Variants in SLIT3 observed in about 807,000 individuals in gnomAD.
SLIT3 encodes the protein slit homolog 3 protein.
Under a neutral mutation model 184.0 loss-of-function variants are expected in SLIT3, and 68 were observed. The observed-to-expected ratio is 0.37, with a 90% confidence interval of 0.30 to 0.45. SLIT3 has a LOEUF of 0.45. SLIT3 is among the 20% of genes least tolerant of loss of function. The pLI is 1.00. For missense variants in SLIT3, 1,707 were observed against 2,026.0 expected, an observed-to-expected ratio of 0.84 and a Z score of 3.02; for synonymous variants, 831 against 828.6, an observed-to-expected ratio of 1.00 and a Z score of -0.05.
At chr5:169,220,408 AG>A (rs1458449454) in intron 3 of SLIT3, among the ~76,000 whole-genome samples, 1 of 152,120 alleles carries the variant, frequency 6.6e-6, no homozygotes. Flanking sequence ...AATCTACAGT[AG>A]GCCTTGGGGA....
At chr5:168,782,206 T>C (rs1341218978) in intron 12 of SLIT3, among the ~76,000 whole-genome samples, 4 of 151,920 alleles carry the variant, frequency 2.6e-5, no homozygotes, top group Non-Finnish European at 5.9e-5. Flanking sequence ...GGTGCTAGAG[T>C]TGTCTTAACT....
At chr5:169,132,734 T>C (rs1191274468) in intron 4 of SLIT3, among the ~76,000 whole-genome samples, 1 of 152,186 alleles carries the variant, frequency 6.6e-6, no homozygotes, top group Non-Finnish European at 1.5e-5. Context: ...TAACCCCAAG[T>C]ATACAAGGAA....
intron 5 of SLIT3, among the ~76,000 whole-genome samples, chr5:168,865,300 G>A (rs1283260551): frequency 9.2e-5 from 14 of 151,752 alleles, no homozygotes. Context: ...GTTCATAGCA[G>A]CTTTATTCGT....
intron 20 of SLIT3, among the ~76,000 whole-genome samples, chr5:168,740,931 T>C (rs1005574289): frequency 2.6e-5 from 4 of 152,158 alleles, no homozygotes; most frequent in Admixed American, 1.3e-4. Context: ...AAGGAGAGTA[T>C]AACTGGGTCA....
chr5:169,029,413 T>A (rs995837152), intron 4 of SLIT3, among the ~76,000 whole-genome samples: 4 of 152,196 alleles, frequency 2.6e-5, no homozygotes, highest in Admixed American at 1.3e-4. Flanking sequence ...AAATTTTGGG[T>A]CCTCTCCTCG....
chr5:168,774,844 A>T (rs1755688549), intron 12 of SLIT3, among the ~76,000 whole-genome samples: 1 of 152,196 alleles, frequency 6.6e-6, no homozygotes, highest in Admixed American at 6.5e-5. Flanking sequence ...GATGAAAGTT[A>T]TATGTCATCC....
At chr5:168,903,321 G>A (rs988243185) in intron 4 of SLIT3, among the ~76,000 whole-genome samples, 1 of 152,190 alleles carries the variant, frequency 6.6e-6, no homozygotes, top group Non-Finnish European at 1.5e-5. Context: ...TCCTGGGGGT[G>A]CAAACCTGGT....
intron 4 of SLIT3, among the ~76,000 whole-genome samples, chr5:168,906,287 G>T (rs924388872): frequency 1.3e-4 from 20 of 152,326 alleles, no homozygotes; most frequent in Non-Finnish European, 2.2e-4. Context: ...CCTTGCCTTT[G>T]TGTTGCCCAT....
At chr5:168,761,232 G>A (rs1374555606) in intron 15 of SLIT3, among the ~76,000 whole-genome samples, 2 of 152,120 alleles carry the variant, frequency 1.3e-5, no homozygotes, top group African/African-American at 4.8e-5. Flanking sequence ...CCAAGGATCT[G>A]TTTTCATTTT....
intron 4 of SLIT3, among the ~76,000 whole-genome samples, chr5:168,914,701 T>C (rs1040127074): frequency 2.6e-5 from 4 of 152,218 alleles, no homozygotes; most frequent in African/African-American, 9.7e-5. Flanking sequence ...ACTGTGCTTC[T>C]CTTTTCTGTA....
At chr5:169,025,769 A>T (rs961134366) in intron 4 of SLIT3, among the ~76,000 whole-genome samples, 1 of 152,192 alleles carries the variant, frequency 6.6e-6, no homozygotes, top group Non-Finnish European at 1.5e-5. Context: ...CACCATGGTG[A>T]TAGTTCATCA....
intron 34 of SLIT3, 147 bp downstream of exon 34, chr5:168,671,051 C>A: frequency 3.4e-6 from 3 of 880,356 alleles, no homozygotes; most frequent in Non-Finnish European, 5.1e-6. Flanking sequence ...GCCTCTTGAC[C>A]TCTTAAGCAG....
intron 4 of SLIT3, among the ~76,000 whole-genome samples, chr5:169,002,345 A>AAAAAAAAAAAAAAAG (rs1561600096): frequency 1.4e-4 from 21 of 145,420 alleles, no homozygotes; most frequent in East Asian, 4.0e-4. Flanking sequence ...AAAAAAAAAA[A>AAAAAAAAAAAAAAAG]AAAAAAAAAA....
intron 4 of SLIT3, among the ~76,000 whole-genome samples, chr5:168,893,409 C>T (rs1760541997): frequency 6.6e-6 from 1 of 152,142 alleles, no homozygotes. Context: ...GCTTTCATCC[C>T]TAATTTGATT....
intron 3 of SLIT3, among the ~76,000 whole-genome samples, chr5:169,220,836 G>A (rs1024260825): frequency 9.9e-5 from 15 of 152,150 alleles, no homozygotes; most frequent in Non-Finnish European, 2.1e-4. Context: ...GCTTGGTGCA[G>A]GTGTCAGCCA....
intron 35 of SLIT3, 132 bp from the exon 36 acceptor site, chr5:168,666,821 C>A: frequency 7.1e-7 from 1 of 1,410,338 alleles, no homozygotes; most frequent in East Asian, 2.5e-5. Context: ...ATCCATCTGC[C>A]TACCCTCCCC....
chr5:168,937,461 C>A (rs1762194635), intron 4 of SLIT3, among the ~76,000 whole-genome samples: 2 of 152,068 alleles, frequency 1.3e-5, no homozygotes, highest in African/African-American at 4.8e-5. Context: ...GGCAGCCTGG[C>A]CTTCGAGGGT....
chr5:168,795,235 T>G (rs948621926), intron 10 of SLIT3, among the ~76,000 whole-genome samples: 3 of 152,224 alleles, frequency 2.0e-5, no homozygotes, highest in Admixed American at 6.5e-5. Flanking sequence ...TTTTCCAGGC[T>G]AATTCGTCTC....
chr5:168,819,620 G>A (rs781383256), intron 7 of SLIT3, among the ~76,000 whole-genome samples: 10 of 152,150 alleles, frequency 6.6e-5, no homozygotes, highest in East Asian at 1.9e-4. Flanking sequence ...AATTCCCGTC[G>A]GTTCCGATCA....
Sources: allele counts gnomAD v4.1 joint callset (sites outside exome capture counted in the v4.1 genomes callset), GRCh38; gene constraint gnomAD v4.1.1; transcripts MANE v1.5; gene names NCBI Gene and HGNC (gene_info 2026-07-23, HGNC 2026-07-21).